Variants in NKD1 observed in about 807,000 individuals in gnomAD.
NKD1 encodes NKD inhibitor of Wnt signaling pathway 1.
In NKD1, 21 loss-of-function variants were observed where a neutral mutation model predicts 56.0. That is an observed-to-expected ratio of 0.38 (90% CI 0.27 to 0.54). The LOEUF (loss-of-function observed/expected upper bound fraction) is 0.54, where lower values mean the gene tolerates loss of function less well. NKD1 is among the 20% of genes least tolerant of loss of function. NKD1 has a pLI of 0.82. For missense variants in NKD1, 578 were observed against 642.7 expected, an observed-to-expected ratio of 0.90 and a Z score of 1.09; for synonymous variants, 263 against 265.7, an observed-to-expected ratio of 0.99 and a Z score of 0.10.
chr16:50,633,310 C>T lies in NKD1; in HGVS notation c.942C>T (p.Asp314=), dbSNP rs771489197. The T allele has an allele frequency of 7.7e-5, 124 of 1,614,056 alleles. No homozygotes were observed. In the Middle Eastern group the frequency reaches 8.2e-4, roughly 11 times the overall value. ...CACACCGAAAGCCCCAAGGCGTGGA[C>T]CCGGCCTCCTTCCACTTCCTTGACA... ...HIPHRKPQGV[D]PASFHFLDTP... The change falls in exon 10 of 10, where the codon GAC becomes GAT. Residue 314 remains aspartate (D), a synonymous_variant. Coordinates refer to ENST00000268459, the MANE Select transcript of NKD1 (RefSeq NM_033119.5). The surrounding 1 kb of genome is among the most constrained non-coding windows in gnomAD (Gnocchi z 4.9).
intron 4 of NKD1, chr16:50,615,953 T>A (rs965035935): frequency 2.3e-6 from 1 of 432,886 alleles, no homozygotes; most frequent in Non-Finnish European, 4.8e-6. Flanking sequence ...GGAATGCACA[T>A]ATGATATCTT....
At chr16:50,566,233 G>A in intron 3 of NKD1, 1 of 962,390 alleles carries the variant, frequency 1.0e-6, no homozygotes, top group Non-Finnish European at 1.2e-6. Flanking sequence ...TGTGTAACCA[G>A]GGAGTGGACT....
At chr16:50,589,143 C>A (rs566975650) in intron 3 of NKD1, among the ~76,000 whole-genome samples, 2 of 152,156 alleles carry the variant, frequency 1.3e-5, no homozygotes, top group Non-Finnish European at 1.5e-5. Flanking sequence ...TTCCTCGTTG[C>A]GCGGTGACTC....
intron 3 of NKD1, among the ~76,000 whole-genome samples, chr16:50,592,283 C>T (rs1432552844): frequency 6.6e-6 from 1 of 152,220 alleles, no homozygotes; most frequent in Non-Finnish European, 1.5e-5. Flanking sequence ...CCACTGTCCC[C>T]AAGTCACTGG....
chr16:50,630,804 G>A, intron 7 of NKD1, 22 bp from the exon 8 acceptor site: 7 of 1,570,744 alleles, frequency 4.5e-6, no homozygotes, highest in Non-Finnish European at 6.0e-6. Context: ...GGTGTCTCCT[G>A]TGCTTCTCGG....
At chr16:50,583,655 A>G (rs1245567710) in intron 3 of NKD1, among the ~76,000 whole-genome samples, 1 of 152,186 alleles carries the variant, frequency 6.6e-6, no homozygotes, top group African/African-American at 2.4e-5. Flanking sequence ...TAGCTGACAC[A>G]GAGGTGTAGC....
chr16:50,612,622 G>A (rs1013619544), intron 4 of NKD1, among the ~76,000 whole-genome samples: 13 of 152,220 alleles, frequency 8.5e-5, no homozygotes, highest in Non-Finnish European at 1.8e-4. Context: ...AGGCTTTTCT[G>A]AGAAGGTGAT....
chr16:50,568,235 T>C (rs1960805503), intron 3 of NKD1, among the ~76,000 whole-genome samples: 1 of 152,148 alleles, frequency 6.6e-6, no homozygotes. Flanking sequence ...GGGGCTTATT[T>C]TGCAAGCACA....
intron 3 of NKD1, chr16:50,571,617 C>G: frequency 1.4e-6 from 1 of 732,842 alleles, no homozygotes; most frequent in Non-Finnish European, 1.7e-6. Context: ...AACTCCTCCC[C>G]TTCCTTCCCT....
rs1193859934 is a variant in NKD1, at chr16:50,633,804, C to T, written c.*23C>T. ...TAGAGCCCCTCCCCAGGGCCCCACCCTGCCATATGAAGGACCCCACCCCCG... is the reference window on the plus strand; with the variant it reads ...TAGAGCCCCTCCCCAGGGCCCCACCTTGCCATATGAAGGACCCCACCCCCG... On this transcript the variant is annotated 3_prime_UTR_variant, in exon 10 of 10. Transcript: ENST00000268459. The surrounding 1 kb of genome is among the most constrained non-coding windows in gnomAD (Gnocchi z 4.9). 3 of 1,331,670 alleles carry T rather than the reference C, an allele frequency of 2.3e-6. No individual in the cohort carries two copies. Among genetic ancestry groups the T allele is most frequent in the Non-Finnish European group, 3.0e-6 (3 of 994,982 alleles). The allele number at this position is 1,331,670 out of a possible 1,614,324, so 82.5% of individuals were successfully genotyped here.
At chr16:50,588,062 G>A (rs1270895876) in intron 3 of NKD1, among the ~76,000 whole-genome samples, 2 of 152,216 alleles carry the variant, frequency 1.3e-5, no homozygotes, top group African/African-American at 4.8e-5. Flanking sequence ...TGTCCTCAGG[G>A]CAGGTGTGGC....
At chr16:50,570,640 T>A (rs1960860532) in intron 3 of NKD1, among the ~76,000 whole-genome samples, 1 of 152,226 alleles carries the variant, frequency 6.6e-6, no homozygotes, top group South Asian at 2.1e-4. Flanking sequence ...CAGATGAGAA[T>A]GCCTGTGAAA....
intron 5 of NKD1, among the ~76,000 whole-genome samples, chr16:50,624,312 C>T (rs530826927): frequency 6.6e-6 from 1 of 152,286 alleles, no homozygotes; most frequent in South Asian, 2.1e-4. Flanking sequence ...GCACACAGCC[C>T]TCCGGTGACC....
At chr16:50,549,578 C>A in intron 3 of NKD1, 23 bp downstream of exon 3, 12 of 1,547,730 alleles carry the variant, frequency 7.8e-6, no homozygotes, top group Non-Finnish European at 1.0e-5. Context: ...ACCCCTGCCC[C>A]ACCTCCTGGC....
At chr16:50,619,345 C>T (rs1218693300) in intron 4 of NKD1, among the ~76,000 whole-genome samples, 1 of 152,086 alleles carries the variant, frequency 6.6e-6, no homozygotes, top group Non-Finnish European at 1.5e-5. Context: ...GCAAAGCCAG[C>T]ATTTGTTGAG....
intron 4 of NKD1, 119 bp from the exon 5 acceptor site, chr16:50,621,483 C>T (rs1962087095): frequency 7.6e-6 from 5 of 654,338 alleles, no homozygotes; most frequent in Middle Eastern, 4.1e-4. Flanking sequence ...AGGGCAGGAG[C>T]GGGCCCAGCC....
At chr16:50,592,115 G>T (rs1961379812) in intron 3 of NKD1, among the ~76,000 whole-genome samples, 1 of 152,252 alleles carries the variant, frequency 6.6e-6, no homozygotes, top group Non-Finnish European at 1.5e-5. Context: ...GAGACGCCAG[G>T]CCTGTGTTTT....
rs371849346 is a variant in NKD1 at position 50,596,695 on chromosome 16, G to A, written c.193-11599G>A. ...CAACACACGCTGGTCGAGTGCCTCC[G>A]CCGTCAGGCGTTGATACATAATGTG... On this transcript the variant is annotated intron_variant, in intron 3 of 9. Coordinates refer to ENST00000268459, the MANE Select transcript of NKD1 (RefSeq NM_033119.5). 1.5e-3 allele frequency among the ~76,000 whole-genome samples: 231 copies of A among 152,354 alleles called. 11 individuals carry two copies. In the South Asian group the frequency reaches 0.046, roughly 31 times the overall value.
chr16:50,560,444 C>T (rs1489513545), intron 3 of NKD1, among the ~76,000 whole-genome samples: 1 of 152,218 alleles, frequency 6.6e-6, no homozygotes, highest in Non-Finnish European at 1.5e-5. Context: ...GCTGGATTCT[C>T]AGAGCACTGT....
Sources: allele counts gnomAD v4.1 joint callset (sites outside exome capture counted in the v4.1 genomes callset), GRCh38; gene constraint gnomAD v4.1.1; non-coding constraint Gnocchi (gnomAD v3.1); transcripts MANE v1.5; gene names NCBI Gene and HGNC (gene_info 2026-07-23, HGNC 2026-07-21).